Variants in MGAT4C observed in about 807,000 individuals in gnomAD.
MGAT4C encodes the protein alpha-1,3-mannosyl-glycoprotein 4-beta-N-acetylglucosaminyltransferase C.
Under a neutral mutation model 40.1 loss-of-function variants are expected in MGAT4C, and 19 were observed. The observed-to-expected ratio is 0.47, with a 90% CI of 0.33 to 0.70. MGAT4C has a LOEUF of 0.70. Ranked by LOEUF, MGAT4C falls within the 30% of genes least tolerant of loss-of-function variation. The pLI, the probability that MGAT4C is intolerant of heterozygous loss-of-function variation, is 0.02. For missense variants in MGAT4C, 491 were observed against 563.2 expected (o/e 0.87, Z 1.30); for synonymous variants, 181 against 187.1 (o/e 0.97, Z 0.27).
At chr12:86,747,885 C>T (rs1398295939) in intron 1 of MGAT4C, among the ~76,000 whole-genome samples, 1 of 151,376 alleles carries the variant, frequency 6.6e-6, no homozygotes, top group Admixed American at 6.6e-5. Context: ...GTGACAAATG[C>T]AGAAGAGAAA....
chr12:86,535,263 C>T (rs958009965), intron 2 of MGAT4C, among the ~76,000 whole-genome samples: 6 of 151,956 alleles, frequency 3.9e-5, no homozygotes, highest in African/African-American at 9.7e-5. Context: ...AAACATTACA[C>T]GTTTTACCAA....
chr12:86,358,532 C>T (rs914657972), intron 3 of MGAT4C, among the ~76,000 whole-genome samples: 2 of 152,136 alleles, frequency 1.3e-5, no homozygotes, highest in African/African-American at 2.4e-5. Flanking sequence ...CACAGACTGG[C>T]AAACTGGATA....
chr12:86,356,541 C>T (rs1479947789), intron 3 of MGAT4C, among the ~76,000 whole-genome samples: 2 of 152,104 alleles, frequency 1.3e-5, no homozygotes, highest in Non-Finnish European at 2.9e-5. Context: ...ACATGGGAAG[C>T]ACAAGGCGTC....
intron 1 of MGAT4C, among the ~76,000 whole-genome samples, chr12:86,164,226 G>T (rs1885933307): frequency 6.6e-6 from 1 of 152,146 alleles, no homozygotes. Context: ...ATGTCTACCA[G>T]GCTGAAAGAT....
intron 1 of MGAT4C, among the ~76,000 whole-genome samples, chr12:86,243,462 T>A (rs955332457): frequency 2.6e-5 from 4 of 152,162 alleles, no homozygotes; most frequent in Middle Eastern, 6.3e-3. Flanking sequence ...TTACAGCCAA[T>A]AGAATAAGGC....
At chr12:86,271,712 C>T (rs568609596) in intron 4 of MGAT4C, among the ~76,000 whole-genome samples, 65 of 152,214 alleles carry the variant, frequency 4.3e-4, no homozygotes, top group Non-Finnish European at 7.5e-4. Flanking sequence ...ATGTTTATTG[C>T]AGCACTATCC....
intron 2 of MGAT4C, among the ~76,000 whole-genome samples, chr12:86,703,392 A>G (rs1950397546): frequency 6.6e-6 from 1 of 152,154 alleles, no homozygotes; most frequent in Non-Finnish European, 1.5e-5. Flanking sequence ...GAGTAAATAG[A>G]TGTGGCAAAC....
At chr12:86,621,983 T>C (rs1962652749) in intron 2 of MGAT4C, among the ~76,000 whole-genome samples, 1 of 152,184 alleles carries the variant, frequency 6.6e-6, no homozygotes, top group African/African-American at 2.4e-5. Context: ...ACTAATACTC[T>C]ACAGATTCTA....
chr12:86,013,079 G>C (rs1204683062), intron 2 of MGAT4C, among the ~76,000 whole-genome samples: 1 of 152,048 alleles, frequency 6.6e-6, no homozygotes, highest in Non-Finnish European at 1.5e-5. Flanking sequence ...AGGCTTCAAA[G>C]AACTATTATC....
At chr12:86,301,070 T>C (rs1953797965) in intron 4 of MGAT4C, among the ~76,000 whole-genome samples, 1 of 152,304 alleles carries the variant, frequency 6.6e-6, no homozygotes, top group Admixed American at 6.5e-5. Context: ...TTAATTCTAC[T>C]TTTCAACCCT....
At chr12:86,433,523 AT>A (rs953311093) in intron 3 of MGAT4C, among the ~76,000 whole-genome samples, 9 of 150,820 alleles carry the variant, frequency 6.0e-5, no homozygotes, top group African/African-American at 9.7e-5. Flanking sequence ...AAGCAAATAT[AT>A]TTTTTTTTAC....
Position 85,966,648 on chromosome 12 carries a change from C to T in MGAT4C, c.*12641G>A, listed in dbSNP as rs1289753798. 6.6e-6 allele frequency: 1 copy of T among 152,044 alleles called. No homozygotes were observed. Among genetic ancestry groups the T allele is most frequent in the Non-Finnish European group, 1.5e-5 (1 of 68,014 alleles). 9.4% of individuals were successfully genotyped at this position (152,044 alleles called of 1,614,324 possible). ...ACAATAGCAAAGACTTGGAACCAAT[C>T]CAAATGTCCAACAATGATAGACTGG... On this transcript the variant is annotated 3_prime_UTR_variant, in exon 5 of 5. Transcript: ENST00000611864.
intron 1 of MGAT4C, among the ~76,000 whole-genome samples, chr12:86,217,443 C>T (rs1016931905): frequency 3.9e-5 from 6 of 152,140 alleles, no homozygotes; most frequent in African/African-American, 1.4e-4. Flanking sequence ...CCCAAAGTGT[C>T]CCCTCTACAG....
upstream of MGAT4C, among the ~76,000 whole-genome samples, chr12:86,257,058 G>A (rs184551809): frequency 6.6e-6 from 1 of 152,246 alleles, no homozygotes; most frequent in Admixed American, 6.5e-5. Context: ...ATACAATAAT[G>A]TTAAATATTG....
rs533180110 is a variant in MGAT4C, at chr12:86,071,353, TCAGA to T, written c.-56-21634_-56-21631del. Among the ~76,000 whole-genome samples the T allele has an allele frequency of 3.9e-5, 6 of 152,212 alleles. No homozygotes were observed. In the East Asian group the frequency reaches 1.2e-3, roughly 29 times the overall value. ...ATCAGATAAGGCAGAAAGATTTTGT[TCAGA>T]CAGACCCAATTGTTTTTTGAAGAAT... On this transcript the variant is annotated intron_variant, in intron 1 of 4. Coordinates refer to ENST00000611864, the MANE Select transcript of MGAT4C (RefSeq NM_001351288.2).
chr12:86,136,121 A>T (rs929966612), intron 1 of MGAT4C, among the ~76,000 whole-genome samples: 1 of 152,226 alleles, frequency 6.6e-6, no homozygotes, highest in East Asian at 1.9e-4. Context: ...TGTTTAAAAC[A>T]TCAATAAATA....
chr12:86,050,237 T>C (rs7961367), intron 1 of MGAT4C, among the ~76,000 whole-genome samples: 2 of 151,814 alleles, frequency 1.3e-5, no homozygotes, highest in African/African-American at 4.8e-5. Flanking sequence ...AAGAGATTGT[T>C]CCTGTTACAA....
intron 4 of MGAT4C, 56 bp downstream of exon 4, chr12:85,983,464 CATT>C: frequency 7.2e-7 from 1 of 1,379,420 alleles, no homozygotes; most frequent in Non-Finnish European, 9.7e-7. Context: ...GTGAAACTAT[CATT>C]ATTTTAATGC....
chr12:86,600,509 T>C (rs2136458793), intron 2 of MGAT4C, among the ~76,000 whole-genome samples: 1 of 152,322 alleles, frequency 6.6e-6, no homozygotes, highest in East Asian at 1.9e-4. Context: ...TTAATTAGGA[T>C]GTCACAAATC....
Sources: allele counts gnomAD v4.1 joint callset (sites outside exome capture counted in the v4.1 genomes callset), GRCh38; gene constraint gnomAD v4.1.1; transcripts MANE v1.5; gene names NCBI Gene and HGNC (gene_info 2026-07-23, HGNC 2026-07-21).